FRMD3: variants seen among roughly 807,000 people sequenced by gnomAD.
FRMD3 encodes the protein FERM domain containing 3.
FRMD3 carries 33 observed loss-of-function variants against 70.2 expected under a neutral mutation model. That is an observed-to-expected ratio of 0.47 (90% CI 0.36 to 0.63). FRMD3 has a LOEUF of 0.63. Among genes scored for constraint, FRMD3 ranks in the 20% least tolerant of loss-of-function variants. The pLI is 0.00. For missense variants in FRMD3, 632 were observed against 711.4 expected (o/e 0.89, Z 1.27); for synonymous variants, 279 against 255.9 (o/e 1.09, Z -0.86).
the FRMD3 span, among the ~76,000 whole-genome samples, chr9:83,576,597 CTT>C: frequency 7.9e-5 from 12 of 152,126 alleles, no homozygotes; most frequent in Non-Finnish European, 1.5e-4. Flanking sequence ...TCCTCCAACC[CTT>C]TATCCTCCAA....
intron 8 of FRMD3, among the ~76,000 whole-genome samples, chr9:83,311,301 A>C (rs1319578850): frequency 2.0e-5 from 3 of 152,060 alleles, no homozygotes; most frequent in Non-Finnish European, 4.4e-5. Flanking sequence ...AAAAAAAAAA[A>C]AAACAGAGAC....
At chr9:83,474,248 G>A (rs892238649) in intron 1 of FRMD3, among the ~76,000 whole-genome samples, 12 of 152,138 alleles carry the variant, frequency 7.9e-5, no homozygotes, top group Non-Finnish European at 1.8e-4. Context: ...CTTCCTTTGT[G>A]GAAGAATTAC....
At chr9:83,313,233 G>A (rs1464469474) in intron 7 of FRMD3, among the ~76,000 whole-genome samples, 2 of 152,150 alleles carry the variant, frequency 1.3e-5, no homozygotes, top group Non-Finnish European at 2.9e-5. Context: ...TGTCAAATAT[G>A]AGTAAAGGAA....
At chr9:83,293,867 C>G (rs1194810670) in intron 12 of FRMD3, among the ~76,000 whole-genome samples, 2 of 152,198 alleles carry the variant, frequency 1.3e-5, no homozygotes, top group Non-Finnish European at 2.9e-5. Context: ...CATTTCTTCC[C>G]TGATAAGTAT....
At chr9:83,344,370 T>C (rs912814945) in intron 4 of FRMD3, among the ~76,000 whole-genome samples, 16 of 152,152 alleles carry the variant, frequency 1.1e-4, no homozygotes, top group African/African-American at 3.9e-4. Flanking sequence ...TAATTTTTTA[T>C]GTGTCAACTG....
rs753828646 is a variant in FRMD3, at chr9:83,538,052, G to T, written c.147+33C>A. On this transcript the variant is annotated intron_variant, in intron 1 of 13. Transcript: ENST00000304195. The surrounding 1 kb of genome is among the most constrained non-coding windows in gnomAD (Gnocchi z 4.7). ...AGGCCCCCCGCCCTGCTCCCGGCGT[G>T]TGCCCCGCGCCCTCGCCCGGTTCCA... The T allele has an allele frequency of 3.7e-5, 60 of 1,603,026 alleles. No individual in the cohort carries two copies. Among genetic ancestry groups the T allele is most frequent in the Non-Finnish European group, 2.6e-6 (3 of 1,173,416 alleles).
chr9:83,264,810 G>C (rs1476191944), intron 13 of FRMD3, among the ~76,000 whole-genome samples: 2 of 151,304 alleles, frequency 1.3e-5, no homozygotes, highest in African/African-American at 4.8e-5. Flanking sequence ...CCAATTGTGG[G>C]GGGAGGGGGG....
chr9:83,357,212 G>T (rs1473959709), intron 3 of FRMD3, among the ~76,000 whole-genome samples: 3 of 42,220 alleles, frequency 7.1e-5, no homozygotes, highest in African/African-American at 1.7e-4. Flanking sequence ...TAACATACAT[G>T]GAATATATAT....
rs1048661715 is a variant in FRMD3 at position 83,286,792 on chromosome 9, C to T, written c.1195+3811G>A. ...GGTAAGTGGTGATGCTGAGTCTCCA[C>T]CACTCTGTGTTTGAAGCTCTGAGAA... On this transcript the variant is annotated intron_variant, in intron 13 of 13. Coordinates refer to ENST00000304195, the MANE Select transcript of FRMD3 (RefSeq NM_174938.6). Among the ~76,000 whole-genome samples the T allele has an allele frequency of 4.6e-5, 7 of 152,150 alleles. No homozygotes were observed. The South Asian group carries it at 6.2e-4, about 14-fold the overall frequency.
At chr9:83,395,904 C>T (rs1018040706) in intron 1 of FRMD3, among the ~76,000 whole-genome samples, 1 of 152,032 alleles carries the variant, frequency 6.6e-6, no homozygotes, top group Non-Finnish European at 1.5e-5. Context: ...TATTGCTAAA[C>T]AAGTTTAGAG....
intron 1 of FRMD3, among the ~76,000 whole-genome samples, chr9:83,390,393 G>A (rs549805470): frequency 2.2e-4 from 33 of 152,244 alleles, no homozygotes; most frequent in African/African-American, 7.9e-4. Context: ...GGCTCTCAGC[G>A]GGAATGGTAG....
At chr9:83,385,128 T>C (rs2131287630) in intron 2 of FRMD3, among the ~76,000 whole-genome samples, 1 of 152,210 alleles carries the variant, frequency 6.6e-6, no homozygotes, top group Admixed American at 6.5e-5. Flanking sequence ...AACTTCATCT[T>C]TCCAAAGGGA....
intron 13 of FRMD3, among the ~76,000 whole-genome samples, chr9:83,272,093 TCTCTGTCTCCCTCTCTCTC>T (rs981792862): frequency 7.6e-5 from 11 of 144,072 alleles, no homozygotes; most frequent in African/African-American, 2.0e-4. Flanking sequence ...TCTCCCTCCA[TCTCTGTCTCCCTCTCTCTC>T]CTCTGTCTCC....
Position 83,247,412 on chromosome 9 carries a change from A to G in FRMD3, c.*506T>C. 1.0e-6 allele frequency: 1 copy of G among 980,428 alleles called. No individual in the cohort carries two copies. Among genetic ancestry groups the G allele is most frequent in the Non-Finnish European group, 1.2e-6 (1 of 825,768 alleles). 60.7% of individuals were successfully genotyped at this position (980,428 alleles called of 1,614,324 possible). ...TTTTTTTTTTGCTAAAAATTTACCA[A>G]AATAGTTTGAACACATAAAAATATT... On this transcript the variant is annotated 3_prime_UTR_variant, in exon 14 of 14. Transcript: ENST00000304195.
rs1159980674 is a variant in FRMD3, at chr9:83,378,736, C to CTTTATATTATATATAATATATAA, written c.253-5804_253-5782dup. On this transcript the variant is annotated intron_variant, in intron 2 of 13. Coordinates refer to ENST00000304195, the MANE Select transcript of FRMD3 (RefSeq NM_174938.6). ...CTTTATATTATATATAATATATATA[C>CTTTATATTATATATAATATATAA]TTTATATTATATATAATATATAATT... is the stretch of plus-strand genomic sequence containing the variant. Among the ~76,000 whole-genome samples the CTTTATATTATATATAATATATAA allele has an allele frequency of 7.6e-3, 710 of 92,962 alleles. 6 individuals are homozygous for CTTTATATTATATATAATATATAA. The highest frequency in any genetic ancestry group is 0.011 in the Non-Finnish European group (567 of 50,312). 61.0% of individuals were successfully genotyped at this position (92,962 alleles called of 152,430 possible). A position where few individuals can be genotyped will look rare whatever the true frequency, so the allele number is the denominator to read the frequency against.
chr9:83,312,556 C>T (rs1228810032), intron 7 of FRMD3, among the ~76,000 whole-genome samples: 1 of 152,192 alleles, frequency 6.6e-6, no homozygotes, highest in African/African-American at 2.4e-5. Context: ...GTTCAAATTT[C>T]TGCATAAAAT....
intron 1 of FRMD3, among the ~76,000 whole-genome samples, chr9:83,422,235 C>CA (rs1422988743): frequency 2.6e-5 from 4 of 151,918 alleles, no homozygotes; most frequent in Middle Eastern, 3.4e-3. Context: ...AAAAACAAAA[C>CA]AAAAAAATCG....
At chr9:83,334,414 C>A (rs1284835578) in intron 6 of FRMD3, among the ~76,000 whole-genome samples, 1 of 152,174 alleles carries the variant, frequency 6.6e-6, no homozygotes, top group African/African-American at 2.4e-5. Context: ...ATACTCTTCC[C>A]AGACTCACCA....
intron 1 of FRMD3, among the ~76,000 whole-genome samples, chr9:83,448,480 C>A (rs530609262): frequency 2.6e-5 from 4 of 152,288 alleles, no homozygotes; most frequent in African/African-American, 9.6e-5. Context: ...TGGCACCGGG[C>A]AAGTGGTAGC....
Sources: allele counts gnomAD v4.1 joint callset (sites outside exome capture counted in the v4.1 genomes callset), GRCh38; gene constraint gnomAD v4.1.1; non-coding constraint Gnocchi (gnomAD v3.1); transcripts MANE v1.5; gene names NCBI Gene and HGNC (gene_info 2026-07-23, HGNC 2026-07-21).